Variants in ITGB2 observed in about 807,000 individuals in gnomAD.
ITGB2 encodes the protein integrin subunit beta 2, also known as integrin beta-2.
In ITGB2, 56 loss-of-function variants were observed where a neutral mutation model predicts 86.8. The observed-to-expected ratio is 0.65, with a 90% CI of 0.52 to 0.81. ITGB2 has a LOEUF of 0.81. Ranked by LOEUF, ITGB2 falls within the 30% of genes least tolerant of loss-of-function variation. The pLI is 0.00. For synonymous variants in ITGB2, 457 were observed against 450.4 expected (o/e 1.01, Z -0.19); for missense variants, 948 against 1,061.2 (o/e 0.89, Z 1.48).
chr21:44,903,705 C>T (rs569678413), intron 4 of ITGB2, among the ~76,000 whole-genome samples, 170 bp from the exon 5 acceptor site: 1 of 152,300 alleles, frequency 6.6e-6, no homozygotes, highest in East Asian at 1.9e-4. Context: ...AGACACAGGA[C>T]ATCCAGGCAG....
At chr21:44,908,496 G>A (rs1044513002) in intron 3 of ITGB2, among the ~76,000 whole-genome samples, 5 of 152,112 alleles carry the variant, frequency 3.3e-5, no homozygotes, top group Non-Finnish European at 7.4e-5. Flanking sequence ...AAAACTTTCT[G>A]TTCTGTCAGC....
At chr21:44,913,985 C>G (rs2084167844) in intron 1 of ITGB2, among the ~76,000 whole-genome samples, 1 of 152,120 alleles carries the variant, frequency 6.6e-6, no homozygotes, top group Non-Finnish European at 1.5e-5. Flanking sequence ...AGGAAGAGCA[C>G]AGACACCCCC....
upstream of ITGB2, among the ~76,000 whole-genome samples, chr21:44,922,712 T>C (rs565406211): frequency 8.0e-6 from 1 of 125,634 alleles, no homozygotes; most frequent in East Asian, 2.4e-4. Flanking sequence ...TAAGGGAAAA[T>C]AGAACAAACA....
At position 44,908,257 on chromosome 21, in the gene ITGB2, C is replaced by A. The variant is rs75074527; in HGVS notation, c.148-1162G>T. 3,013 of 598,588 alleles carry A rather than the reference C, an allele frequency of 5.0e-3. 75 individuals carry two copies. Among genetic ancestry groups the A allele is most frequent in the African/African-American group, 0.049 (2,669 of 54,156 alleles). The allele number at this position is 598,588 out of a possible 1,614,324, so 37.1% of individuals were successfully genotyped here. On this transcript the variant is annotated intron_variant, in intron 3 of 15. Transcript: ENST00000652462. ...GAGACACCACTTCTCCTGCTGCCCT[C>A]CCCTTCTTCTCCACCCCCTCCCCTT...
chr21:44,905,782 C>T lies in ITGB2; in HGVS notation c.328+1133G>A, dbSNP rs552695012. On this transcript the variant is annotated intron_variant, in intron 4 of 15. Coordinates refer to ENST00000652462, the MANE Select transcript of ITGB2 (RefSeq NM_000211.5). ...CTCCTGCAGGACCTCCCCAATGGCT[C>T]GGCCCCATCCCTCACTGTCTCCCAG... 4.7e-4 allele frequency among the ~76,000 whole-genome samples: 72 copies of T among 152,146 alleles called. 1 individual carries two copies. Among genetic ancestry groups the T allele is most frequent in the Non-Finnish European group, 8.8e-4 (60 of 67,990 alleles).
chr21:44,902,550 CGT>C (rs1314879954), intron 5 of ITGB2, among the ~76,000 whole-genome samples: 3 of 150,038 alleles, frequency 2.0e-5, no homozygotes, highest in African/African-American at 7.4e-5. Flanking sequence ...CATGCATTCA[CGT>C]GTGTGTGCAT....
In ITGB2 at chr21:44,886,060, A is replaced by G; in HGVS notation, c.*308T>C. 4.3e-6 allele frequency: 2 copies of G among 463,330 alleles called. No individual in the cohort carries two copies. Among genetic ancestry groups the G allele is most frequent in the Non-Finnish European group, 7.9e-6 (2 of 252,914 alleles). The allele number at this position is 463,330 out of a possible 1,614,324, so 28.7% of individuals were successfully genotyped here. ...TTATACCCTGACAAGTTTAAATGTAAATAAATTGGCACCACCTTTAATCAG... is the reference window on the plus strand; with the variant it reads ...TTATACCCTGACAAGTTTAAATGTAGATAAATTGGCACCACCTTTAATCAG... On this transcript the variant is annotated 3_prime_UTR_variant, in exon 16 of 16. Coordinates refer to ENST00000652462, the MANE Select transcript of ITGB2 (RefSeq NM_000211.5).
intron 14 of ITGB2, among the ~76,000 whole-genome samples, chr21:44,888,393 C>A (rs369601395): frequency 2.0e-5 from 3 of 152,260 alleles, no homozygotes; most frequent in Non-Finnish European, 2.9e-5. Context: ...TGGCCCGGGC[C>A]GTGTGGCATG....
At chr21:44,919,289 G>T (rs1312413526) in intron 1 of ITGB2, among the ~76,000 whole-genome samples, 2 of 151,882 alleles carry the variant, frequency 1.3e-5, no homozygotes, top group African/African-American at 4.9e-5. Flanking sequence ...ACGTAGCCAG[G>T]GACCTCTTCC....
In ITGB2 at chr21:44,886,826, C is replaced by G. The variant is rs2146491172; in HGVS notation, c.2157G>C (p.Leu719=). The G allele has an allele frequency of 6.2e-7, 1 of 1,613,898 alleles. No individual in the cohort carries two copies. The highest frequency in any genetic ancestry group is 1.3e-5 in the African/African-American group (1 of 75,044). Residue 719 remains leucine (L), a synonymous_variant, in exon 15 of 16, where the codon CTG becomes CTC. Transcript: ENST00000652462. The part of the protein sequence containing the change: ...VAGIVLIGIL[L]LVIWKALIHL... The stretch of plus-strand genomic sequence containing the variant: ...GGATCAGAGCCTTCCAGATGACCAG[C>G]AGGAGAATGCCGATCAGCACGATGC...
At chr21:44,894,765 C>A in intron 9 of ITGB2, 1 of 622,982 alleles carries the variant, frequency 1.6e-6, no homozygotes, top group Admixed American at 2.4e-5. Flanking sequence ...ACAACATCAA[C>A]GAGAGAGGAC....
At chr21:44,923,007 A>T (rs931360762), upstream of ITGB2, 6 of 152,256 alleles carry the variant, frequency 3.9e-5, no homozygotes, top group South Asian at 8.3e-4. Context: ...CTCGCTGCGA[A>T]CGTCACGGAC....
Position 44,888,900 on chromosome 21 carries a change from G to C in ITGB2, c.1878-5C>G, listed in dbSNP as rs368159523. 3 of 1,602,650 alleles carry C rather than the reference G, an allele frequency of 1.9e-6. No individual in the cohort carries two copies. The highest frequency in any genetic ancestry group is 1.7e-5 in the Admixed American group (1 of 60,004). On this transcript the variant is annotated splice_region_variant and splice_polypyrimidine_tract_variant and intron_variant, in intron 13 of 15. Coordinates refer to ENST00000652462, the MANE Select transcript of ITGB2 (RefSeq NM_000211.5). ...TTCAGGCACTCGGCGCAGGAGCTGC[G>C]GGGAGCCAGGTGTGAGCATCGGTGC...
chr21:44,902,662 T>C lies in ITGB2; in HGVS notation c.499+703A>G, dbSNP rs551869915. ...ATTCATGTGTGAGTGTGCATTCGCA[T>C]GTGTGAGCGTGCATTTGCGTTTGAG... On this transcript the variant is annotated intron_variant, in intron 5 of 15. Coordinates refer to ENST00000652462, the MANE Select transcript of ITGB2 (RefSeq NM_000211.5). Among the ~76,000 whole-genome samples, 10 of 152,110 alleles carry C rather than the reference T, an allele frequency of 6.6e-5. 1 individual carries two copies. Among genetic ancestry groups the C allele is most frequent in the African/African-American group, 2.4e-4 (10 of 41,504 alleles).
At position 44,889,476 on chromosome 21, in the gene ITGB2, G is replaced by A. The variant is rs147719370; in HGVS notation, c.1677C>T (p.Cys559=). ...CGGPGRGLCF[C]GKCRCHPGFE... is the part of the protein sequence containing the mutation. ...AGCCCGGGTGGCAGCGGCACTTCCCGCAGAAGCAGAGCCCCCTCCCTGGAA... is the reference window on the plus strand; with the variant it reads ...AGCCCGGGTGGCAGCGGCACTTCCCACAGAAGCAGAGCCCCCTCCCTGGAA... Residue 559 remains cysteine, a synonymous_variant, in exon 13 of 16, where the codon TGC becomes TGT. Transcript: ENST00000652462. 153 of 1,575,568 alleles carry A rather than the reference G, an allele frequency of 9.7e-5. 1 individual carries two copies. Among genetic ancestry groups the A allele is most frequent in the South Asian group, 5.1e-4 (44 of 87,110 alleles).
chr21:44,919,692 G>T (rs758612441), intron 1 of ITGB2, among the ~76,000 whole-genome samples: 1 of 152,132 alleles, frequency 6.6e-6, no homozygotes, highest in Non-Finnish European at 1.5e-5. Context: ...TGAGCTCTCC[G>T]GCCATCCCCC....
At chr21:44,889,200 G>T in intron 13 of ITGB2, 76 bp downstream of exon 13, 2 of 1,439,510 alleles carry the variant, frequency 1.4e-6, no homozygotes, top group South Asian at 1.2e-5. Context: ...TGGGGTCCCC[G>T]AGTGAGCCCG....
chr21:44,892,437 T>C (rs1383577445), intron 10 of ITGB2, among the ~76,000 whole-genome samples: 1 of 152,092 alleles, frequency 6.6e-6, no homozygotes, highest in Non-Finnish European at 1.5e-5. Context: ...CTGGCCAACA[T>C]GGCGAAACTC....
At chr21:44,900,610 G>A (rs936344295) in intron 6 of ITGB2, 135 bp from the exon 7 acceptor site, 2 of 1,082,080 alleles carry the variant, frequency 1.8e-6, no homozygotes, top group African/African-American at 1.6e-5. Flanking sequence ...CTGGGTCTCA[G>A]GGACCCAGCT....
Sources: allele counts gnomAD v4.1 joint callset (sites outside exome capture counted in the v4.1 genomes callset), GRCh38; gene constraint gnomAD v4.1.1; transcripts MANE v1.5; gene names NCBI Gene and HGNC (gene_info 2026-07-23, HGNC 2026-07-21).